Variants in DPYD observed in about 807,000 individuals in gnomAD.
DPYD encodes the protein dihydropyrimidine dehydrogenase.
Under a neutral mutation model 116.2 loss-of-function variants are expected in DPYD, and 109 were observed. The ratio of observed to expected loss-of-function variants is 0.94; its 90% confidence interval spans 0.80 to 1.10. The LOEUF (loss-of-function observed/expected upper bound fraction) is 1.10. DPYD is among the 50% of genes least tolerant of loss of function. The probability of loss-of-function intolerance (pLI) is 0.00; values close to 1 mark genes in which losing one functional copy is unlikely to be tolerated. For missense variants in DPYD, 1,302 were observed against 1,254.5 expected, an observed-to-expected ratio of 1.04 and a Z score of -0.57; for synonymous variants, 440 against 432.0, an observed-to-expected ratio of 1.02 and a Z score of -0.23.
chr1:97,548,911 T>C (rs958313345), intron 12 of DPYD, among the ~76,000 whole-genome samples: 4 of 152,114 alleles, frequency 2.6e-5, no homozygotes, highest in Admixed American at 1.3e-4. Flanking sequence ...AGATTATAAT[T>C]AATGTAGATT....
intron 16 of DPYD, among the ~76,000 whole-genome samples, chr1:97,363,630 G>T (rs1295631131): frequency 2.6e-5 from 4 of 152,234 alleles, no homozygotes; most frequent in Admixed American, 2.6e-4. Context: ...CATAAAAAAA[G>T]GATGAGTTCA....
chr1:97,427,328 G>A (rs1338340235), intron 14 of DPYD, among the ~76,000 whole-genome samples: 6 of 151,828 alleles, frequency 4.0e-5, no homozygotes, highest in Non-Finnish European at 8.8e-5. Flanking sequence ...TATCTCAAGA[G>A]CCAACATAAA....
intron 2 of DPYD, among the ~76,000 whole-genome samples, chr1:97,874,130 G>T (rs4304628): frequency 0.97 from 148,123 of 151,976 alleles, 72,308 homozygotes; most frequent in Middle Eastern, 1. Flanking sequence ...ATTATCACCG[G>T]TATTATTTGA....
At chr1:97,207,021 G>C (rs1659686639) in intron 19 of DPYD, among the ~76,000 whole-genome samples, 1 of 151,846 alleles carries the variant, frequency 6.6e-6, no homozygotes, top group Admixed American at 6.6e-5. Flanking sequence ...CCAGATTTCA[G>C]AGACACAGCA....
chr1:97,154,541 G>A (rs1655289170), intron 20 of DPYD, among the ~76,000 whole-genome samples: 1 of 147,408 alleles, frequency 6.8e-6, no homozygotes, highest in Non-Finnish European at 1.5e-5. Context: ...TACATTACTG[G>A]AGGCCAGGGT....
intron 3 of DPYD, among the ~76,000 whole-genome samples, chr1:97,759,924 C>T (rs775467049): frequency 3.5e-4 from 53 of 151,940 alleles, no homozygotes; most frequent in Admixed American, 5.3e-4. Flanking sequence ...ATATATGGGA[C>T]GTGATAAACT....
intron 2 of DPYD, among the ~76,000 whole-genome samples, chr1:97,879,907 A>G (rs1204344391): frequency 6.6e-6 from 1 of 151,862 alleles, no homozygotes; most frequent in Non-Finnish European, 1.5e-5. Context: ...AGAAGAAGGC[A>G]GATAGTAAGA....
intron 2 of DPYD, among the ~76,000 whole-genome samples, chr1:97,864,085 A>T (rs1273300651): frequency 6.6e-6 from 1 of 152,072 alleles, no homozygotes; most frequent in Non-Finnish European, 1.5e-5. Context: ...GTAAGTTTTA[A>T]AACTGTATAA....
At chr1:97,732,925 G>A (rs1045090658) in intron 4 of DPYD, among the ~76,000 whole-genome samples, 31 of 152,016 alleles carry the variant, frequency 2.0e-4, no homozygotes, top group African/African-American at 7.5e-4. Flanking sequence ...GCAGAAAAAA[G>A]CTAGGATACT....
chr1:97,721,863 T>C (rs112479617), intron 4 of DPYD, among the ~76,000 whole-genome samples, 192 bp from the exon 5 acceptor site: 46 of 151,782 alleles, frequency 3.0e-4, no homozygotes, highest in African/African-American at 1.0e-3. Context: ...CATAGGAATA[T>C]TCAATGCACA....
In DPYD at chr1:97,306,296, TC is replaced by T. The variant is rs1558015372; in HGVS notation, c.2059del (p.Asp687IlefsTer24). 6.2e-7 allele frequency: 1 copy of T among 1,612,164 alleles called. No homozygotes were observed. Among genetic ancestry groups the T allele is most frequent in the South Asian group, 1.1e-5 (1 of 91,076 alleles). The stretch of plus-strand genomic sequence containing the variant: ...GCAGATGTTCCGCACCAGCTCTGGA[TC>T]CTGTTCAAATAGGTCGGTTAAATAT... ...ERGMGLACGQDPELVRNICRW... is the reference protein window; with the variant it reads ...ERGMGLACGQXPELVRNICRW... On this transcript the variant is annotated frameshift_variant and splice_region_variant, in exon 17 of 23. Coordinates refer to ENST00000370192, the MANE Select transcript of DPYD (RefSeq NM_000110.4). LOFTEE classifies it high-confidence loss of function.
chr1:97,498,621 G>A (rs2101923767), intron 13 of DPYD, among the ~76,000 whole-genome samples: 1 of 151,452 alleles, frequency 6.6e-6, no homozygotes, highest in East Asian at 1.9e-4. Flanking sequence ...ATATATTAAT[G>A]GAAGCCAGCT....
intron 1 of DPYD, among the ~76,000 whole-genome samples, chr1:97,906,704 G>A (rs12127542): frequency 0.043 from 6,473 of 152,056 alleles, 190 homozygotes; most frequent in Middle Eastern, 0.082. Context: ...TGCTTTTTCC[G>A]TTGTAACTGA....
intron 7 of DPYD, among the ~76,000 whole-genome samples, chr1:97,690,017 G>A (rs1298077181): frequency 6.6e-6 from 1 of 152,006 alleles, no homozygotes; most frequent in East Asian, 1.9e-4. Flanking sequence ...CAGATTCACA[G>A]TTTAAAATTC....
At chr1:97,413,710 A>G (rs4589145) in intron 14 of DPYD, among the ~76,000 whole-genome samples, 50,926 of 151,754 alleles carry the variant, frequency 0.34, 8,687 homozygotes, top group South Asian at 0.53. Context: ...TCGAGCTCAA[A>G]CAATCCTCCC....
intron 20 of DPYD, among the ~76,000 whole-genome samples, chr1:97,153,973 CA>C (rs60741755): frequency 0.34 from 42,427 of 125,994 alleles, 7,027 homozygotes; most frequent in East Asian, 0.65. Flanking sequence ...TGGCCATGAT[CA>C]AAAAAAAAAA....
chr1:97,882,324 G>C (rs1208356938), intron 2 of DPYD, among the ~76,000 whole-genome samples: 3 of 151,864 alleles, frequency 2.0e-5, no homozygotes, highest in African/African-American at 7.2e-5. Context: ...TTGCCCAGTG[G>C]CTGGTGATAG....
intron 13 of DPYD, among the ~76,000 whole-genome samples, chr1:97,509,628 G>A (rs1385616713): frequency 1.3e-5 from 2 of 151,868 alleles, no homozygotes; most frequent in East Asian, 3.9e-4. Context: ...AAAACAGACA[G>A]AATCCAAGGG....
intron 5 of DPYD, among the ~76,000 whole-genome samples, chr1:97,701,181 C>G (rs1661575866): frequency 6.8e-6 from 1 of 147,236 alleles, no homozygotes; most frequent in Admixed American, 6.9e-5. Context: ...CAAAAGAAAG[C>G]TGGTACATAT....
Sources: gnomAD v4.1 joint callset for allele counts (sites outside exome capture counted in the v4.1 genomes callset) on GRCh38, gnomAD v4.1.1 for gene constraint, MANE v1.5 for transcripts, NCBI Gene and HGNC (gene_info 2026-07-23, HGNC 2026-07-21) for gene names.